Variants in KCNH8 observed in about 807,000 individuals in gnomAD.
KCNH8 encodes voltage-gated delayed rectifier potassium channel KCNH8.
KCNH8 carries 70 observed loss-of-function variants against 103.6 expected under a neutral mutation model. The observed-to-expected ratio is 0.68, with a 90% confidence interval of 0.56 to 0.82. The LOEUF is 0.82. KCNH8 is among the 40% of genes least tolerant of loss of function. The probability of loss-of-function intolerance (pLI) is 0.00; values close to 1 mark genes in which losing one functional copy is unlikely to be tolerated. For synonymous variants in KCNH8, 498 were observed against 489.4 expected, an observed-to-expected ratio of 1.02 and a Z score of -0.23; for missense variants, 1,217 against 1,329.9, an observed-to-expected ratio of 0.92 and a Z score of 1.32.
chr3:19,273,910 G>T (rs1024317976), intron 2 of KCNH8, among the ~76,000 whole-genome samples: 3 of 152,052 alleles, frequency 2.0e-5, no homozygotes, highest in Non-Finnish European at 4.4e-5. Context: ...TTAAATAGTG[G>T]TTCTACTCTT....
intron 7 of KCNH8, among the ~76,000 whole-genome samples, chr3:19,431,753 A>G (rs2125166526): frequency 6.6e-6 from 1 of 152,292 alleles, no homozygotes; most frequent in South Asian, 2.1e-4. Flanking sequence ...CCAGGAATTT[A>G]TCCATTTCTT....
chr3:19,287,725 A>G (rs986523968), intron 3 of KCNH8, among the ~76,000 whole-genome samples: 2 of 152,124 alleles, frequency 1.3e-5, no homozygotes, highest in African/African-American at 4.8e-5. Context: ...AGCTGGGACT[A>G]CAGGGATGTG....
At chr3:19,331,502 A>T (rs1275717641) in intron 3 of KCNH8, among the ~76,000 whole-genome samples, 1 of 152,042 alleles carries the variant, frequency 6.6e-6, no homozygotes, top group African/African-American at 2.4e-5. Flanking sequence ...CATCTTGGCC[A>T]GGATGATCTT....
chr3:19,222,665 A>T (rs1273374522), intron 1 of KCNH8, among the ~76,000 whole-genome samples: 2 of 152,176 alleles, frequency 1.3e-5, no homozygotes, highest in African/African-American at 4.8e-5. Flanking sequence ...TAGAGTGATA[A>T]TAAGTTTTGA....
At chr3:19,371,094 G>A (rs942215950) in intron 5 of KCNH8, among the ~76,000 whole-genome samples, 2 of 151,872 alleles carry the variant, frequency 1.3e-5, no homozygotes, top group African/African-American at 4.8e-5. Context: ...CTTTATAGCA[G>A]CATGATTTAT....
At chr3:19,513,446 CTTTTCTGAGTTTTGTGGGCAA>C (rs2068822092) in intron 13 of KCNH8, 121 bp downstream of exon 13, 1 of 1,370,190 alleles carries the variant, frequency 7.3e-7, no homozygotes, top group Admixed American at 2.6e-5. Context: ...GAATCCTCAG[CTTTTCTGAGTTTTGTGGGCAA>C]TTTTTTGAGT....
chr3:19,270,634 G>A (rs2064575034), intron 2 of KCNH8, among the ~76,000 whole-genome samples: 1 of 152,092 alleles, frequency 6.6e-6, no homozygotes, highest in African/African-American at 2.4e-5. Flanking sequence ...GTAAGTTGAG[G>A]AAGATGTCTG....
intron 11 of KCNH8, among the ~76,000 whole-genome samples, chr3:19,496,491 A>G (rs1231772485): frequency 6.6e-6 from 1 of 152,128 alleles, no homozygotes; most frequent in Non-Finnish European, 1.5e-5. Flanking sequence ...GTGATGAATC[A>G]TATTTATTTA....
At chr3:19,380,060 A>C (rs1427223482) in intron 5 of KCNH8, among the ~76,000 whole-genome samples, 1 of 152,214 alleles carries the variant, frequency 6.6e-6, no homozygotes, top group Non-Finnish European at 1.5e-5. Flanking sequence ...TACCCTGTGA[A>C]GAATAAGTAC....
intron 1 of KCNH8, among the ~76,000 whole-genome samples, chr3:19,202,558 CA>C (rs1302434020): frequency 6.6e-6 from 1 of 152,018 alleles, no homozygotes; most frequent in Non-Finnish European, 1.5e-5. Context: ...GCCAGATGCA[CA>C]AAGCTGCCAA....
At chr3:19,288,167 G>A (rs1180569669) in intron 3 of KCNH8, among the ~76,000 whole-genome samples, 5 of 128,808 alleles carry the variant, frequency 3.9e-5, no homozygotes, top group Admixed American at 7.5e-5. Context: ...TTCTTGCACC[G>A]GTGTATCAAA....
intron 3 of KCNH8, among the ~76,000 whole-genome samples, chr3:19,323,440 C>T (rs2065378660): frequency 6.6e-6 from 1 of 151,934 alleles, no homozygotes; most frequent in African/African-American, 2.4e-5. Context: ...CAGAGCAAGA[C>T]TGTGTCTCAA....
intron 5 of KCNH8, 106 bp downstream of exon 5, chr3:19,348,071 G>A: frequency 7.3e-7 from 1 of 1,376,542 alleles, no homozygotes; most frequent in Non-Finnish European, 9.9e-7. Context: ...GCATGGGCTT[G>A]ATTCAGCCTC....
At position 19,415,018 on chromosome 3, in the gene KCNH8, TCTC is replaced by T. The variant is rs991534919; in HGVS notation, c.1177+19711_1177+19713del. On this transcript the variant is annotated intron_variant, in intron 7 of 15. Coordinates refer to ENST00000328405, the MANE Select transcript of KCNH8 (RefSeq NM_144633.3). Reference sequence around the variant, plus strand: ...TCAGTTCTCACTTGCTCCCTCTTTCTCTCCTCTACTATTATAAACTTGGTGCAT... The same window carrying T: ...TCAGTTCTCACTTGCTCCCTCTTTCTCTCTACTATTATAAACTTGGTGCAT... Among the ~76,000 whole-genome samples, 124 of 152,142 alleles carry T rather than the reference TCTC, an allele frequency of 8.2e-4. 1 individual carries two copies. Among genetic ancestry groups the T allele is most frequent in the African/African-American group, 2.9e-3 (121 of 41,562 alleles).
At chr3:19,442,562 G>T (rs532192234) in intron 8 of KCNH8, among the ~76,000 whole-genome samples, 2 of 152,104 alleles carry the variant, frequency 1.3e-5, no homozygotes. Context: ...ATGTCACTTT[G>T]TTTCTTGTTT....
At chr3:19,487,809 T>C (rs1465256254) in intron 11 of KCNH8, among the ~76,000 whole-genome samples, 1 of 152,204 alleles carries the variant, frequency 6.6e-6, no homozygotes, top group Non-Finnish European at 1.5e-5. Context: ...AGCAAGTCTC[T>C]TCCCAGCAAA....
intron 3 of KCNH8, among the ~76,000 whole-genome samples, chr3:19,284,893 A>G (rs900786383): frequency 4.0e-5 from 6 of 148,974 alleles, no homozygotes; most frequent in Non-Finnish European, 7.4e-5. Context: ...AAAAGGAAAG[A>G]AAGAAAAGAA....
At chr3:19,274,485 C>G (rs1383322772) in intron 2 of KCNH8, among the ~76,000 whole-genome samples, 1 of 152,094 alleles carries the variant, frequency 6.6e-6, no homozygotes, top group Non-Finnish European at 1.5e-5. Context: ...CATGGAAACT[C>G]CTTTCAACTG....
chr3:19,219,351 C>T (rs2063848764), intron 1 of KCNH8, among the ~76,000 whole-genome samples: 1 of 152,128 alleles, frequency 6.6e-6, no homozygotes, highest in African/African-American at 2.4e-5. Flanking sequence ...GTATTTATCA[C>T]CTTATAACTA....
Sources: gnomAD v4.1 joint callset for allele counts (sites outside exome capture counted in the v4.1 genomes callset) on GRCh38, gnomAD v4.1.1 for gene constraint, MANE v1.5 for transcripts, NCBI Gene and HGNC (gene_info 2026-07-23, HGNC 2026-07-21) for gene names.